The following FAM117B variants were observed in gnomAD, a reference collection of about 807,000 sequenced individuals.
FAM117B encodes the protein family with sequence similarity 117 member B.
A neutral mutation model predicts 52.8 loss-of-function variants in FAM117B; 22 were observed. The ratio of observed to expected loss-of-function variants is 0.42; its 90% confidence interval spans 0.30 to 0.59. The LOEUF is 0.59. Among genes scored for constraint, FAM117B ranks in the 20% least tolerant of loss-of-function variants. The pLI is 0.22. For synonymous variants in FAM117B, 309 were observed against 324.1 expected, an observed-to-expected ratio of 0.95 and a Z score of 0.50; for missense variants, 678 against 802.6, an observed-to-expected ratio of 0.84 and a Z score of 1.88.
chr2:202,714,039 A>G (rs1161840265), intron 2 of FAM117B, among the ~76,000 whole-genome samples: 4 of 152,046 alleles, frequency 2.6e-5, no homozygotes, highest in African/African-American at 9.7e-5. Flanking sequence ...AAATTTTTAA[A>G]TTTCCTTCTT....
At chr2:202,758,633 TA>T (rs1193462530) in intron 6 of FAM117B, among the ~76,000 whole-genome samples, 1 of 152,218 alleles carries the variant, frequency 6.6e-6, no homozygotes, top group African/African-American at 2.4e-5. Context: ...ATATCAGCAC[TA>T]AACAAGAATA....
rs150500017 is a variant in FAM117B at position 202,636,828 on chromosome 2, G to A, written c.601+1040G>A. Among the ~76,000 whole-genome samples the A allele has an allele frequency of 1.3e-3, 194 of 152,338 alleles. 1 individual carries two copies. The highest frequency in any genetic ancestry group is 4.4e-3 in the African/African-American group (183 of 41,572). On this transcript the variant is annotated intron_variant, in intron 1 of 7. Transcript: ENST00000392238. ...GTTTCCGAAATGGAAGGAATAGGAT[G>A]ACTCTTTCTTACTATTTATTTTATG...
chr2:202,700,501 A>G (rs991313175), intron 2 of FAM117B, among the ~76,000 whole-genome samples: 45 of 152,246 alleles, frequency 3.0e-4, no homozygotes, highest in African/African-American at 1.1e-3. Context: ...AGGCTAAGAT[A>G]GGCGAGGACG....
intron 2 of FAM117B, among the ~76,000 whole-genome samples, chr2:202,724,050 A>C (rs1260394613): frequency 3.2e-5 from 3 of 92,440 alleles, no homozygotes; most frequent in Non-Finnish European, 4.1e-5. Flanking sequence ...TTAAGGTTTA[A>C]CTTTTTTTTT....
At chr2:202,715,840 G>T (rs1691044443) in intron 2 of FAM117B, among the ~76,000 whole-genome samples, 1 of 152,000 alleles carries the variant, frequency 6.6e-6, no homozygotes. Flanking sequence ...GGCACCTCGG[G>T]AGGCCGAGGC....
At chr2:202,664,752 C>T (rs764833320) in intron 1 of FAM117B, among the ~76,000 whole-genome samples, 35 of 151,886 alleles carry the variant, frequency 2.3e-4, no homozygotes, top group Non-Finnish European at 4.0e-4. Context: ...CCTCATTTGC[C>T]TTACCGTAGT....
At chr2:202,654,672 T>A (rs1455860688) in intron 1 of FAM117B, among the ~76,000 whole-genome samples, 4 of 152,002 alleles carry the variant, frequency 2.6e-5, no homozygotes, top group African/African-American at 9.7e-5. Flanking sequence ...AATCTTTTTT[T>A]TTTTTTTGCC....
intron 1 of FAM117B, among the ~76,000 whole-genome samples, chr2:202,648,410 G>C (rs1298416151): frequency 2.0e-5 from 3 of 151,934 alleles, no homozygotes; most frequent in Admixed American, 1.3e-4. Flanking sequence ...CCAACTATTT[G>C]GGAGGCTGAG....
chr2:202,751,766 C>T (rs1691727092), intron 4 of FAM117B, among the ~76,000 whole-genome samples: 2 of 98,204 alleles, frequency 2.0e-5, no homozygotes, highest in Admixed American at 1.2e-4. Context: ...ACCGAGACTC[C>T]ATCTCAAAAA....
At chr2:202,741,415 TC>T (rs1216858785) in intron 4 of FAM117B, among the ~76,000 whole-genome samples, 1 of 14,542 alleles carries the variant, frequency 6.9e-5, no homozygotes, top group East Asian at 2.3e-3. Flanking sequence ...AGACTCTGTC[TC>T]AAAAAAAAAA....
intron 1 of FAM117B, among the ~76,000 whole-genome samples, chr2:202,661,065 A>G (rs1228562198): frequency 2.0e-5 from 3 of 152,192 alleles, no homozygotes; most frequent in African/African-American, 7.2e-5. Context: ...AAGATTTGGG[A>G]TGCCCTTGAA....
In FAM117B at chr2:202,655,749, AG is replaced by A. The variant is rs1559095436; in HGVS notation, c.601+19962del. Among the ~76,000 whole-genome samples, 4 of 133,854 alleles carry A rather than the reference AG, an allele frequency of 3.0e-5. No homozygotes were observed. In the East Asian group the frequency reaches 7.9e-4, roughly 26 times the overall value. 87.8% of individuals were successfully genotyped at this position (133,854 alleles called of 152,430 possible). Reference sequence around the variant, plus strand: ...GAGAGAGAGAGAGAGAGAGAGAGAGAGAGAGAGAGAGAGTGTGTGTGTGTGT... The same window carrying A: ...GAGAGAGAGAGAGAGAGAGAGAGAGAAGAGAGAGAGAGTGTGTGTGTGTGT... On this transcript the variant is annotated intron_variant, in intron 1 of 7. Transcript: ENST00000392238.
intron 2 of FAM117B, among the ~76,000 whole-genome samples, chr2:202,710,127 C>A (rs777880813): frequency 6.6e-6 from 1 of 152,092 alleles, no homozygotes; most frequent in Admixed American, 6.6e-5. Flanking sequence ...TAGTTTCACA[C>A]GAGTTTTAGA....
intron 4 of FAM117B, among the ~76,000 whole-genome samples, chr2:202,739,112 C>G (rs2105792370): frequency 6.6e-6 from 1 of 152,218 alleles, no homozygotes; most frequent in East Asian, 1.9e-4. Flanking sequence ...TTGCTTGAAC[C>G]CAGGAGGTGG....
At chr2:202,683,871 A>AT (rs879783732) in intron 1 of FAM117B, among the ~76,000 whole-genome samples, 165 of 146,806 alleles carry the variant, frequency 1.1e-3, no homozygotes, top group East Asian at 1.8e-3. Context: ...CAAAATTTTA[A>AT]TTTTTTTTTT....
At chr2:202,637,885 T>G (rs1689712001) in intron 1 of FAM117B, among the ~76,000 whole-genome samples, 1 of 151,574 alleles carries the variant, frequency 6.6e-6, no homozygotes, top group African/African-American at 2.4e-5. Context: ...TTTTTTTTTT[T>G]TTTTTTTTTA....
chr2:202,657,057 T>C (rs1559095760), intron 1 of FAM117B, among the ~76,000 whole-genome samples: 1 of 149,612 alleles, frequency 6.7e-6, no homozygotes, highest in Non-Finnish European at 1.5e-5. Flanking sequence ...GACAGCGTAT[T>C]GTTGGCTCTT....
At chr2:202,719,777 C>A (rs138112302) in intron 2 of FAM117B, among the ~76,000 whole-genome samples, 27 of 152,160 alleles carry the variant, frequency 1.8e-4, no homozygotes, top group African/African-American at 5.3e-4. Context: ...ATTTACATGT[C>A]ATTTCTCTTC....
intron 4 of FAM117B, among the ~76,000 whole-genome samples, chr2:202,729,839 T>C (rs1691312096): frequency 6.6e-6 from 1 of 152,180 alleles, no homozygotes; most frequent in South Asian, 2.1e-4. Flanking sequence ...CATGTTCACT[T>C]ATTAAGACAT....
Sources: allele counts gnomAD v4.1 joint callset (sites outside exome capture counted in the v4.1 genomes callset), GRCh38; gene constraint gnomAD v4.1.1; transcripts MANE v1.5; gene names NCBI Gene and HGNC (gene_info 2026-07-23, HGNC 2026-07-21).